The following ENKUR variants were observed in gnomAD, a reference collection of about 807,000 sequenced individuals.
The protein encoded by ENKUR is enkurin, TRPC channel interacting protein.
Under a neutral mutation model 27.6 loss-of-function variants are expected in ENKUR, and 19 were observed. That is an observed-to-expected ratio of 0.69 (90% confidence interval 0.48 to 1.01). The LOEUF (loss-of-function observed/expected upper bound fraction) is 1.01. ENKUR is among the 50% of genes least tolerant of loss of function. ENKUR has a pLI of 0.00. For missense variants in ENKUR, 312 were observed against 310.5 expected (o/e 1.00, Z -0.04); for synonymous variants, 117 against 96.9 (o/e 1.21, Z -1.22).
chr10:25,041,851 A>G (rs564616262), intron 2 of ENKUR, among the ~76,000 whole-genome samples: 30 of 152,212 alleles, frequency 2.0e-4, no homozygotes, highest in Non-Finnish European at 3.7e-4. Flanking sequence ...TGCCAGGGTC[A>G]TGAAAGACAC....
intron 1 of ENKUR, among the ~76,000 whole-genome samples, chr10:25,005,958 G>T (rs1256637569): frequency 6.6e-6 from 1 of 152,230 alleles, no homozygotes; most frequent in African/African-American, 2.4e-5. Context: ...CACTTGAAAT[G>T]TGGCTGGTGC....
intron 2 of ENKUR, among the ~76,000 whole-genome samples, chr10:25,054,837 T>C (rs1393365346): frequency 6.6e-6 from 1 of 151,902 alleles, no homozygotes; most frequent in Non-Finnish European, 1.5e-5. Flanking sequence ...CCACAAAGCC[T>C]GGCTAGTTTT....
intron 1 of ENKUR, 139 bp downstream of exon 1, chr10:25,015,721 C>G (rs1395403257): frequency 1.3e-6 from 1 of 752,972 alleles, no homozygotes; most frequent in Non-Finnish European, 1.9e-6. Flanking sequence ...TTTTCTCTAA[C>G]AAGTTATCCT....
At chr10:25,042,095 G>T (rs995017965) in intron 2 of ENKUR, among the ~76,000 whole-genome samples, 1 of 151,888 alleles carries the variant, frequency 6.6e-6, no homozygotes, top group Non-Finnish European at 1.5e-5. Context: ...AGAAAGCCCT[G>T]GTTATTAGGA....
At chr10:25,021,954 TACAGA>T (rs1850727697) in intron 2 of ENKUR, 1 of 152,178 alleles carries the variant, frequency 6.6e-6, no homozygotes, top group African/African-American at 2.4e-5. Flanking sequence ...AATGTTTAAT[TACAGA>T]ACAGAGTTTA....
At chr10:25,013,132 G>A (rs765225047) in intron 1 of ENKUR, among the ~76,000 whole-genome samples, 2 of 152,178 alleles carry the variant, frequency 1.3e-5, no homozygotes, top group Non-Finnish European at 2.9e-5. Flanking sequence ...TTTGCCTTCT[G>A]CCATGATTGT....
intron 2 of ENKUR, among the ~76,000 whole-genome samples, chr10:25,047,291 T>C (rs892936479): frequency 3.9e-5 from 6 of 152,200 alleles, no homozygotes; most frequent in Admixed American, 3.3e-4. Flanking sequence ...AATGTTCCAC[T>C]GTCTCTCTTT....
chr10:25,015,812 G>A (rs1306031831), intron 1 of ENKUR, 48 bp downstream of exon 1: 2 of 1,525,158 alleles, frequency 1.3e-6, no homozygotes, highest in African/African-American at 1.4e-5. Flanking sequence ...TTAATACTGA[G>A]TATTCCCCAT....
chr10:24,996,446 G>GTA (rs1850057799), intron 2 of ENKUR, among the ~76,000 whole-genome samples: 2 of 146,908 alleles, frequency 1.4e-5, no homozygotes, highest in African/African-American at 5.4e-5. Context: ...ATGTGTGTGT[G>GTA]TGTGTGTGTG....
chr10:25,054,645 C>A (rs1316681934), intron 2 of ENKUR, among the ~76,000 whole-genome samples: 1 of 150,090 alleles, frequency 6.7e-6, no homozygotes, highest in African/African-American at 2.5e-5. Flanking sequence ...TTTCTCACCT[C>A]ATTTAATTCC....
chr10:25,023,194 G>A (rs951796791), intron 2 of ENKUR: 1 of 1,570,316 alleles, frequency 6.4e-7, no homozygotes, highest in African/African-American at 1.4e-5. Context: ...CCAATTTTTA[G>A]GTTGGCTTGG....
At chr10:25,003,345 T>C (rs532936758) in intron 1 of ENKUR, among the ~76,000 whole-genome samples, 1 of 152,276 alleles carries the variant, frequency 6.6e-6, no homozygotes, top group Non-Finnish European at 1.5e-5. Context: ...TAGCTGGGAC[T>C]ACAGGCATGC....
chr10:25,056,124 G>A (rs1588687230), intron 2 of ENKUR, among the ~76,000 whole-genome samples: 1 of 152,304 alleles, frequency 6.6e-6, no homozygotes, highest in East Asian at 1.9e-4. Flanking sequence ...TGAGGCTCAG[G>A]AAGGTTAATC....
rs548129756 is a variant in ENKUR, at chr10:25,016,080, C to A, written c.-144G>T. 6.4e-5 allele frequency: 89 copies of A among 1,387,238 alleles called. No individual in the cohort carries two copies. Among genetic ancestry groups the A allele is most frequent in the Non-Finnish European group, 7.9e-5 (84 of 1,067,234 alleles). 85.9% of individuals were successfully genotyped at this position (1,387,238 alleles called of 1,614,324 possible). On this transcript the variant is annotated 5_prime_UTR_variant, in exon 1 of 6. In the 5' UTR this introduces an upstream ATG that the reference lacks. Transcript: ENST00000331161. ...AGGTTCTCTCCTTCACATCGTCCCC[C>A]TTTAACCCCCTCTTAGCAGTCCTCT...
chr10:24,990,964 G>A (rs150067846), intron 3 of ENKUR, among the ~76,000 whole-genome samples: 17 of 152,318 alleles, frequency 1.1e-4, no homozygotes, highest in African/African-American at 3.4e-4. Context: ...GCCAGGCATC[G>A]TGGCATGTGC....
At chr10:25,059,676 C>G (rs926627224) in intron 2 of ENKUR, among the ~76,000 whole-genome samples, 4 of 152,118 alleles carry the variant, frequency 2.6e-5, no homozygotes, top group Admixed American at 6.5e-5. Flanking sequence ...CATTTTAGGG[C>G]CAGGCATGGT....
At chr10:24,999,651 T>C in intron 1 of ENKUR, 105 bp from the exon 2 acceptor site, 1 of 1,058,978 alleles carries the variant, frequency 9.4e-7, no homozygotes, top group East Asian at 2.6e-5. Flanking sequence ...TAAGTCTATA[T>C]TCGTATGGAA....
intron 2 of ENKUR, chr10:25,023,119 G>T: frequency 9.0e-7 from 1 of 1,105,748 alleles, no homozygotes; most frequent in South Asian, 1.6e-5. Flanking sequence ...ACAATCTACT[G>T]TAATTAGTAA....
chr10:25,018,658 TG>T (rs1286745652), upstream of ENKUR, among the ~76,000 whole-genome samples: 182 of 113,844 alleles, frequency 1.6e-3, 4 homozygotes, highest in Middle Eastern at 0.012. Context: ...AAATGAGAGT[TG>T]TTTTTTTTTT....
Sources: gnomAD v4.1 joint callset for allele counts (sites outside exome capture counted in the v4.1 genomes callset) on GRCh38, gnomAD v4.1.1 for gene constraint, MANE v1.5 for transcripts, NCBI Gene and HGNC (gene_info 2026-07-23, HGNC 2026-07-21) for gene names.